The following COL6A5 variants were observed in gnomAD, a reference collection of about 807,000 sequenced individuals.
COL6A5 encodes collagen type VI alpha 5 chain.
COL6A5 carries 48 observed loss-of-function variants against 65.6 expected under a neutral mutation model. The ratio of observed to expected loss-of-function variants is 0.73; its 90% confidence interval spans 0.58 to 0.93. The LOEUF (loss-of-function observed/expected upper bound fraction) is 0.93, where lower values mean the gene tolerates loss of function less well. Ranked by LOEUF, COL6A5 falls within the 40% of genes least tolerant of loss-of-function variation. COL6A5 has a pLI of 0.00. For missense variants in COL6A5, 914 were observed against 928.3 expected (o/e 0.98, Z 0.20); for synonymous variants, 291 against 322.8 (o/e 0.90, Z 1.05).
intron 4 of COL6A5, among the ~76,000 whole-genome samples, chr3:130,455,076 G>A (rs1709536151): frequency 6.6e-6 from 1 of 151,844 alleles, no homozygotes; most frequent in African/African-American, 2.4e-5. Context: ...GGAGGTTGAG[G>A]CTGCAGTGAG....
chr3:130,405,921 C>A, intron 14 of COL6A5, 72 bp from the exon 15 acceptor site: 1 of 1,428,924 alleles, frequency 7.0e-7, no homozygotes, highest in Non-Finnish European at 9.7e-7. Flanking sequence ...TGCTCACTCA[C>A]TTTAGAGAGG....
exon 10 of COL6A5, chr3:130,398,058 A>G (rs1464255437): frequency 1.9e-6 from 3 of 1,550,898 alleles, no homozygotes; most frequent in Admixed American, 2.0e-5. Context: ...GACGGTCTCC[A>G]GAGTGAAAGC....
intron 1 of COL6A5, among the ~76,000 whole-genome samples, chr3:130,372,102 A>G (rs1935587817): frequency 6.6e-6 from 1 of 152,188 alleles, no homozygotes; most frequent in South Asian, 2.1e-4. Context: ...ATTCATCATT[A>G]GGGCAATGCA....
At chr3:130,455,232 A>G (rs1017558629) in intron 4 of COL6A5, among the ~76,000 whole-genome samples, 1 of 152,082 alleles carries the variant, frequency 6.6e-6, no homozygotes, top group African/African-American at 2.4e-5. Context: ...TAGGCTCTAG[A>G]CAGTTGTGAG....
At chr3:130,356,096 C>G (rs781535885) in intron 1 of COL6A5, among the ~76,000 whole-genome samples, 2 of 151,946 alleles carry the variant, frequency 1.3e-5, no homozygotes, top group Non-Finnish European at 2.9e-5. Context: ...GAAGTTTTAA[C>G]TATTGACCAG....
At chr3:130,378,245 C>A (rs1208998071) in intron 3 of COL6A5, among the ~76,000 whole-genome samples, 2 of 152,096 alleles carry the variant, frequency 1.3e-5, no homozygotes, top group Non-Finnish European at 2.9e-5. Flanking sequence ...ACAAATCCCC[C>A]CTGTAACTTG....
intron 1 of COL6A5, among the ~76,000 whole-genome samples, chr3:130,373,132 A>G (rs969328898): frequency 3.3e-5 from 5 of 152,222 alleles, no homozygotes; most frequent in African/African-American, 9.6e-5. Context: ...AATTATAAAC[A>G]TATACGATAG....
rs1475830796 is a variant in COL6A5 at position 130,422,596 on chromosome 3, G to A, written c.5038-124G>A. The A allele has an allele frequency of 6.4e-6, 4 of 622,956 alleles. No individual in the cohort carries two copies. In the African/African-American group the frequency reaches 7.7e-5, roughly 12 times the overall value. The allele number at this position is 622,956 out of a possible 1,614,324, so 38.6% of individuals were successfully genotyped here. On this transcript the variant is annotated intron_variant and NMD_transcript_variant, in intron 27 of 41. Coordinates refer to the COL6A5 transcript ENST00000312481. ...ACAGGAAAAGATGACATTTAATGTT[G>A]TATTGGCCTTCATTAATGTATGATT...
exon 26 of COL6A5, chr3:130,421,182 G>A (rs1271556926): frequency 1.3e-6 from 2 of 1,550,646 alleles, no homozygotes; most frequent in African/African-American, 2.7e-5. Flanking sequence ...GCTACGGTCA[G>A]ATGGGACGAA....
At chr3:130,357,189 T>C (rs1421807857) in intron 1 of COL6A5, among the ~76,000 whole-genome samples, 2 of 152,170 alleles carry the variant, frequency 1.3e-5, no homozygotes, top group African/African-American at 2.4e-5. Flanking sequence ...GGGAATAATT[T>C]ATTTGACTTT....
chr3:130,429,527 C>G, upstream of COL6A5: 1 of 1,517,776 alleles, frequency 6.6e-7, no homozygotes, highest in Non-Finnish European at 8.9e-7. Context: ...TATTTTTAGT[C>G]TTGTTTCAAG....
At chr3:130,477,347 TTA>T (rs550774001) in intron 7 of COL6A5, 91 of 337,554 alleles carry the variant, frequency 2.7e-4, no homozygotes, top group Admixed American at 1.4e-3. Context: ...AATTATCACT[TTA>T]TGTTGTTTTG....
chr3:130,384,232 C>A (rs1936102973), intron 4 of COL6A5, among the ~76,000 whole-genome samples: 1 of 151,912 alleles, frequency 6.6e-6, no homozygotes, highest in African/African-American at 2.4e-5. Context: ...GTGGTTGGAA[C>A]ACAGTGAGGG....
intron 7 of COL6A5, among the ~76,000 whole-genome samples, chr3:130,474,521 AG>A (rs1440489971): frequency 6.6e-6 from 1 of 152,138 alleles, no homozygotes; most frequent in African/African-American, 2.4e-5. Context: ...ACATTAAAGT[AG>A]CTATTATAAG....
chr3:130,364,556 AT>A (rs1458720503), intron 1 of COL6A5, among the ~76,000 whole-genome samples: 16 of 152,350 alleles, frequency 1.1e-4, no homozygotes, highest in African/African-American at 3.6e-4. Context: ...AGATGGAAAT[AT>A]GGAGGATTAG....
chr3:130,444,718 G>T (rs1709267558), intron 4 of COL6A5, among the ~76,000 whole-genome samples: 1 of 152,146 alleles, frequency 6.6e-6, no homozygotes, highest in Admixed American at 6.5e-5. Flanking sequence ...GCCCCCAATA[G>T]ACTTAATCCA....
intron 10 of COL6A5, 86 bp downstream of exon 10, chr3:130,398,197 C>T: frequency 1.2e-6 from 1 of 840,724 alleles, no homozygotes; most frequent in Non-Finnish European, 1.8e-6. Flanking sequence ...GTGGCACGAT[C>T]TCAGCTCACT....
At chr3:130,387,044 A>T (rs936478482) in intron 5 of COL6A5, among the ~76,000 whole-genome samples, 2 of 152,104 alleles carry the variant, frequency 1.3e-5, no homozygotes, top group African/African-American at 4.8e-5. Context: ...GTCCAGGTCT[A>T]GTAGAGAGGC....
chr3:130,382,210 CA>C (rs1441061460), intron 4 of COL6A5, among the ~76,000 whole-genome samples: 4 of 151,870 alleles, frequency 2.6e-5, no homozygotes, highest in African/African-American at 9.7e-5. Context: ...TTGTCCCAGG[CA>C]AGGAAAACAA....
Sources: allele counts gnomAD v4.1 joint callset (sites outside exome capture counted in the v4.1 genomes callset), GRCh38; gene constraint gnomAD v4.1.1; transcripts MANE v1.5; gene names NCBI Gene and HGNC (gene_info 2026-07-23, HGNC 2026-07-21).